NTM: variants seen among roughly 807,000 people sequenced by gnomAD.
NTM encodes the protein neurotrimin.
Under a neutral mutation model 42.1 loss-of-function variants are expected in NTM, and 13 were observed. The ratio of observed to expected loss-of-function variants is 0.31; its 90% CI spans 0.20 to 0.49. The LOEUF (loss-of-function observed/expected upper bound fraction) is 0.49. Among genes scored for constraint, NTM ranks in the 20% least tolerant of loss-of-function variants. The probability of loss-of-function intolerance (pLI) is 0.99; values close to 1 mark genes in which losing one functional copy is unlikely to be tolerated. For synonymous variants in NTM, 187 were observed against 179.2 expected (o/e 1.04, Z -0.35); for missense variants, 373 against 452.8 (o/e 0.82, Z 1.60).
intron 2 of NTM, among the ~76,000 whole-genome samples, chr11:131,943,027 T>A (rs1350473552): frequency 4.6e-5 from 7 of 152,028 alleles, no homozygotes; most frequent in African/African-American, 1.7e-4. Flanking sequence ...AAGCTAGGCA[T>A]GCAACTCTGG....
intron 1 of NTM, among the ~76,000 whole-genome samples, chr11:131,596,584 G>T (rs1346878408): frequency 6.6e-6 from 1 of 152,220 alleles, no homozygotes; most frequent in Non-Finnish European, 1.5e-5. Flanking sequence ...AGCTAGGCAG[G>T]CAGTGGGGAC....
In NTM at chr11:132,335,500, C is replaced by A; in HGVS notation, c.*354C>A. ...CCTCTCTGCCCACAGAGTGCCCCCA[C>A]GTGGAACATTCTGGAGCTGGCCATC... On this transcript the variant is annotated 3_prime_UTR_variant, in exon 9 of 9. Coordinates refer to ENST00000683400, the MANE Select transcript of NTM (RefSeq NM_001352005.2). 3.2e-5 allele frequency: 8 copies of A among 250,278 alleles called. No homozygotes were observed. Among genetic ancestry groups the A allele is most frequent in the Non-Finnish European group, 4.7e-5 (6 of 128,716 alleles). The allele number at this position is 250,278 out of a possible 1,614,324, so 15.5% of individuals were successfully genotyped here.
chr11:132,157,098 C>A (rs1016725826), intron 3 of NTM, among the ~76,000 whole-genome samples: 1 of 152,178 alleles, frequency 6.6e-6, no homozygotes, highest in Admixed American at 6.5e-5. Context: ...TAGTGAGAGT[C>A]ATTTTTGGAC....
rs117880386 is a variant in NTM at position 131,809,467 on chromosome 11, C to T, written c.83-102097C>T. ...GAGCAGCTGATCACTGCTGTGGCCC[C>T]GGTGAGGCCACCCGTATAAGACTAG... On this transcript the variant is annotated intron_variant, in intron 1 of 8. Coordinates refer to ENST00000683400, the MANE Select transcript of NTM (RefSeq NM_001352005.2). 2.9e-3 allele frequency among the ~76,000 whole-genome samples: 437 copies of T among 152,286 alleles called. 6 individuals carry two copies. The highest frequency in any genetic ancestry group is 0.01 in the Middle Eastern group (3 of 292).
At chr11:131,789,639 G>GAAGAAGAAGAAGAAGAAAAAGAA (rs2090497484) in intron 1 of NTM, among the ~76,000 whole-genome samples, 1 of 109,682 alleles carries the variant, frequency 9.1e-6, no homozygotes, top group East Asian at 2.5e-4. Flanking sequence ...AAGAAGAAAA[G>GAAGAAGAAGAAGAAGAAAAAGAA]AAGAAGAAGA....
At chr11:131,809,162 A>G (rs2092636063) in intron 1 of NTM, among the ~76,000 whole-genome samples, 1 of 152,236 alleles carries the variant, frequency 6.6e-6, no homozygotes, top group African/African-American at 2.4e-5. Context: ...GTTTGGTGAT[A>G]GATGCTCAAC....
chr11:131,795,238 T>C (rs1202623860), intron 1 of NTM: 11 of 410,116 alleles, frequency 2.7e-5, no homozygotes, highest in African/African-American at 4.3e-5. Context: ...GTATCTCTTC[T>C]TCTTCATTTG....
intron 4 of NTM, among the ~76,000 whole-genome samples, chr11:132,276,726 G>A (rs1192013302): frequency 6.6e-6 from 1 of 152,138 alleles, no homozygotes; most frequent in Non-Finnish European, 1.5e-5. Flanking sequence ...GGGGAAGAGT[G>A]TGCTCTGTGT....
chr11:131,800,316 G>A (rs2091995420), intron 1 of NTM, among the ~76,000 whole-genome samples: 1 of 152,176 alleles, frequency 6.6e-6, no homozygotes, highest in Non-Finnish European at 1.5e-5. Flanking sequence ...AGGCTAAACG[G>A]TTTTACTTCC....
In NTM at chr11:131,511,266, C is replaced by T. The variant is rs544137229; in HGVS notation, c.82+140378C>T. 2.0e-5 allele frequency among the ~76,000 whole-genome samples: 3 copies of T among 152,280 alleles called. No individual in the cohort carries two copies. The East Asian group carries it at 5.8e-4, about 30-fold the overall frequency. On this transcript the variant is annotated intron_variant, in intron 1 of 8. Coordinates refer to ENST00000683400, the MANE Select transcript of NTM (RefSeq NM_001352005.2). ...ACCAGAGCAGAGATTCAGGAGGAGC[C>T]AAGCCATCCCCTCAGGCCCCAGCCA...
intron 1 of NTM, among the ~76,000 whole-genome samples, chr11:131,783,221 A>G (rs12295005): frequency 0.12 from 18,051 of 152,188 alleles, 1,136 homozygotes; most frequent in Middle Eastern, 0.17. Flanking sequence ...TCCTATTTAC[A>G]GGGTCATCCA....
In NTM at chr11:131,399,073, T is replaced by C. The variant is rs117417804; in HGVS notation, c.82+28185T>C. Among the ~76,000 whole-genome samples the C allele has an allele frequency of 9.5e-3, 1,448 of 152,280 alleles. 7 individuals are homozygous for C. The highest frequency in any genetic ancestry group is 0.018 in the South Asian group (85 of 4,822). ...AACAGTGCACTTGGAGAGAAATGCA[T>C]TGAAGCTGCCGACAACACTTCATGT... On this transcript the variant is annotated intron_variant, in intron 1 of 8. Coordinates refer to ENST00000683400, the MANE Select transcript of NTM (RefSeq NM_001352005.2).
At chr11:132,159,971 C>T (rs1409487766) in intron 3 of NTM, among the ~76,000 whole-genome samples, 1 of 152,172 alleles carries the variant, frequency 6.6e-6, no homozygotes, top group Non-Finnish European at 1.5e-5. Context: ...CTTTCATCTC[C>T]CTGAGCTTGT....
chr11:131,915,039 C>G (rs983822556), intron 2 of NTM, among the ~76,000 whole-genome samples: 1 of 152,184 alleles, frequency 6.6e-6, no homozygotes, highest in Non-Finnish European at 1.5e-5. Flanking sequence ...GTAACAATCA[C>G]GTTAATAAGA....
At chr11:132,092,217 G>C (rs543183988) in intron 2 of NTM, among the ~76,000 whole-genome samples, 1 of 152,136 alleles carries the variant, frequency 6.6e-6, no homozygotes, top group Non-Finnish European at 1.5e-5. Flanking sequence ...TTGATTTCTT[G>C]TCCAAATTCT....
chr11:131,442,061 C>A (rs1949667703), intron 1 of NTM, among the ~76,000 whole-genome samples: 1 of 152,204 alleles, frequency 6.6e-6, no homozygotes, highest in Non-Finnish European at 1.5e-5. Flanking sequence ...GGAATGATAT[C>A]TCACGCTCTT....
chr11:132,246,784 C>T lies in NTM; in HGVS notation c.526+34637C>T, dbSNP rs113335895. Among the ~76,000 whole-genome samples, 813 of 152,278 alleles carry T rather than the reference C, an allele frequency of 5.3e-3. 8 individuals carry two copies. The highest frequency in any genetic ancestry group is 0.019 in the African/African-American group (778 of 41,548). On this transcript the variant is annotated intron_variant, in intron 4 of 8. Coordinates refer to ENST00000683400, the MANE Select transcript of NTM (RefSeq NM_001352005.2). ...TTCGTATGTCGGCCGTCCTTTCACA[C>T]GCCAGTCACATACCGACTCACCTTC...
intron 1 of NTM, among the ~76,000 whole-genome samples, chr11:131,400,229 C>T (rs1231519829): frequency 2.0e-5 from 3 of 152,118 alleles, no homozygotes; most frequent in Non-Finnish European, 4.4e-5. Flanking sequence ...TCCAATCTCT[C>T]TTTGTGTCCC....
At chr11:132,062,384 T>C (rs150047524) in intron 2 of NTM, among the ~76,000 whole-genome samples, 1 of 152,320 alleles carries the variant, frequency 6.6e-6, no homozygotes, top group Non-Finnish European at 1.5e-5. Flanking sequence ...CTGAAGCTCA[T>C]TCTACAGCAC....
Sources: allele counts gnomAD v4.1 joint callset (sites outside exome capture counted in the v4.1 genomes callset), GRCh38; gene constraint gnomAD v4.1.1; transcripts MANE v1.5; gene names NCBI Gene and HGNC (gene_info 2026-07-23, HGNC 2026-07-21).